REC114: variants seen among roughly 807,000 people sequenced by gnomAD.
REC114 encodes REC114 meiotic recombination protein, also known as meiotic recombination protein REC114.
REC114 carries 27 observed loss-of-function variants against 31.3 expected under a neutral mutation model. The ratio of observed to expected loss-of-function variants is 0.86; its 90% confidence interval spans 0.64 to 1.19. The LOEUF (loss-of-function observed/expected upper bound fraction) is 1.19. Among genes scored for constraint, REC114 ranks in the 50% most tolerant of loss-of-function variants. The pLI is 0.00. For missense variants in REC114, 344 were observed against 326.9 expected (o/e 1.05, Z -0.40); for synonymous variants, 134 against 127.7 (o/e 1.05, Z -0.33).
intron 2 of REC114, among the ~76,000 whole-genome samples, chr15:73,496,443 G>C (rs1437180285): frequency 6.7e-6 from 1 of 150,008 alleles, no homozygotes; most frequent in Non-Finnish European, 1.5e-5. Context: ...CATATCACTT[G>C]AGATCTGGAG....
chr15:73,457,817 TCAAA>T lies in REC114; in HGVS notation c.159+14478_159+14481del, dbSNP rs368912015. 2.4e-4 allele frequency among the ~76,000 whole-genome samples: 37 copies of T among 152,334 alleles called. No homozygotes were observed. In the East Asian group the frequency reaches 4.8e-3, roughly 20 times the overall value. On this transcript the variant is annotated intron_variant, in intron 1 of 5. Coordinates refer to ENST00000331090, the MANE Select transcript of REC114 (RefSeq NM_001042367.2). ...CACTTTGTTTTTCTACTGCAGGTCA[TCAAA>T]CAAAGCATTATTAAATTATCTGCTA...
At chr15:73,496,852 A>G (rs1893535858) in intron 2 of REC114, among the ~76,000 whole-genome samples, 1 of 152,050 alleles carries the variant, frequency 6.6e-6, no homozygotes, top group African/African-American at 2.4e-5. Flanking sequence ...TTCAGGATCT[A>G]ACCTAGGATT....
At chr15:73,453,509 A>T (rs1892879486) in intron 1 of REC114, among the ~76,000 whole-genome samples, 1 of 152,192 alleles carries the variant, frequency 6.6e-6, no homozygotes, top group Admixed American at 6.5e-5. Context: ...GAACGCTTTT[A>T]TACTGTTTGT....
At chr15:73,510,365 A>C (rs1322677550) in intron 2 of REC114, among the ~76,000 whole-genome samples, 1 of 152,170 alleles carries the variant, frequency 6.6e-6, no homozygotes, top group Non-Finnish European at 1.5e-5. Context: ...GGTTTTCTAG[A>C]TATACAATCA....
intron 2 of REC114, among the ~76,000 whole-genome samples, chr15:73,478,284 AAAAG>A: frequency 6.6e-6 from 1 of 151,736 alleles, no homozygotes; most frequent in African/African-American, 2.4e-5. Flanking sequence ...AAAAAAAAAA[AAAAG>A]AATTTGGGTT....
intron 1 of REC114, among the ~76,000 whole-genome samples, chr15:73,471,797 A>C (rs74022996): frequency 6.6e-6 from 1 of 151,886 alleles, no homozygotes; most frequent in African/African-American, 2.4e-5. Flanking sequence ...AACAAACAAA[A>C]AAAGGGTGGT....
At chr15:73,548,319 G>A (rs1057005403) in intron 3 of REC114, among the ~76,000 whole-genome samples, 2 of 152,216 alleles carry the variant, frequency 1.3e-5, no homozygotes, top group African/African-American at 2.4e-5. Context: ...ATGTTGGCCA[G>A]GATGGCCTCG....
At chr15:73,514,407 C>T (rs909578805) in intron 2 of REC114, among the ~76,000 whole-genome samples, 2 of 152,014 alleles carry the variant, frequency 1.3e-5, no homozygotes, top group Non-Finnish European at 1.5e-5. Flanking sequence ...CCGTCTTCTG[C>T]GTCGCTCACG....
intron 2 of REC114, among the ~76,000 whole-genome samples, chr15:73,482,734 A>G (rs948160739): frequency 6.6e-6 from 1 of 152,182 alleles, no homozygotes; most frequent in East Asian, 1.9e-4. Flanking sequence ...TTACTGATTT[A>G]TCTACCAATG....
At chr15:73,549,342 T>G (rs913330619) in intron 3 of REC114, among the ~76,000 whole-genome samples, 8 of 151,398 alleles carry the variant, frequency 5.3e-5, no homozygotes, top group African/African-American at 1.7e-4. Context: ...AGATAAAGAG[T>G]AGAAGGATGG....
At chr15:73,506,614 T>C (rs1251820684) in intron 2 of REC114, among the ~76,000 whole-genome samples, 2 of 152,178 alleles carry the variant, frequency 1.3e-5, no homozygotes, top group Non-Finnish European at 2.9e-5. Context: ...AATGCAGCCA[T>C]ATATATGTTC....
At chr15:73,520,909 A>T (rs934870626) in intron 2 of REC114, among the ~76,000 whole-genome samples, 4 of 152,088 alleles carry the variant, frequency 2.6e-5, no homozygotes, top group African/African-American at 9.7e-5. Flanking sequence ...AGACATGCCT[A>T]TTGAATGTCA....
chr15:73,493,525 TA>T (rs1006895210), intron 2 of REC114, among the ~76,000 whole-genome samples: 2 of 152,302 alleles, frequency 1.3e-5, no homozygotes, highest in African/African-American at 4.8e-5. Context: ...TTCTTCTTTT[TA>T]TTTTATTTAT....
At chr15:73,452,885 G>A (rs1278030829) in intron 1 of REC114, among the ~76,000 whole-genome samples, 2 of 152,162 alleles carry the variant, frequency 1.3e-5, no homozygotes, top group Admixed American at 6.5e-5. Context: ...AATGGGAAAA[G>A]GATTCCCTAT....
intron 1 of REC114, among the ~76,000 whole-genome samples, chr15:73,451,314 T>G (rs1365325510): frequency 6.6e-6 from 1 of 152,122 alleles, no homozygotes; most frequent in African/African-American, 2.4e-5. Flanking sequence ...CACTGATCCC[T>G]CAGAAATGCA....
intron 4 of REC114, 62 bp downstream of exon 4, chr15:73,551,212 C>T (rs2141335727): frequency 7.0e-7 from 1 of 1,425,562 alleles, no homozygotes; most frequent in South Asian, 1.2e-5. Context: ...AATGAGTGGC[C>T]AAAATGACAG....
chr15:73,513,409 A>G (rs1032220720), intron 2 of REC114, among the ~76,000 whole-genome samples: 18 of 148,660 alleles, frequency 1.2e-4, no homozygotes, highest in Non-Finnish European at 2.7e-4. Context: ...CGTAGCTCAG[A>G]GTAATTTGAT....
intron 2 of REC114, among the ~76,000 whole-genome samples, chr15:73,501,386 A>G (rs1434179485): frequency 1.3e-5 from 2 of 152,194 alleles, no homozygotes; most frequent in African/African-American, 4.8e-5. Flanking sequence ...AGCCATAGGA[A>G]GGTTCCAAAT....
chr15:73,461,879 A>G (rs79199508), intron 1 of REC114, among the ~76,000 whole-genome samples: 2,993 of 129,082 alleles, frequency 0.023, 123 homozygotes, highest in African/African-American at 0.08. Flanking sequence ...TTCTGTTATG[A>G]TTTGGTCATT....
Sources: gnomAD v4.1 joint callset for allele counts (sites outside exome capture counted in the v4.1 genomes callset) on GRCh38, gnomAD v4.1.1 for gene constraint, MANE v1.5 for transcripts, NCBI Gene and HGNC (gene_info 2026-07-23, HGNC 2026-07-21) for gene names.